EDEM1: variants seen among roughly 807,000 people sequenced by gnomAD.
EDEM1 encodes ER degradation enhancing alpha-mannosidase like protein 1, also known as ER degradation-enhancing alpha-mannosidase-like protein 1.
A neutral mutation model predicts 74.4 loss-of-function variants in EDEM1; 67 were observed. The ratio of observed to expected loss-of-function variants is 0.90; its 90% CI spans 0.74 to 1.10. The LOEUF (loss-of-function observed/expected upper bound fraction) is 1.10. Ranked by LOEUF, EDEM1 falls within the 50% of genes least tolerant of loss-of-function variation. EDEM1 has a pLI of 0.00. For synonymous variants in EDEM1, 382 were observed against 335.9 expected (o/e 1.14, Z -1.50); for missense variants, 926 against 851.6 (o/e 1.09, Z -1.09).
At chr3:5,215,468 C>T (rs1373579911) in intron 11 of EDEM1, among the ~76,000 whole-genome samples, 2 of 152,214 alleles carry the variant, frequency 1.3e-5, no homozygotes, top group Non-Finnish European at 2.9e-5. Flanking sequence ...GGCCACGAAG[C>T]AGTTGCTGCG....
chr3:5,199,744 G>A (rs764682036), intron 3 of EDEM1, 49 bp downstream of exon 3: 1 of 1,516,786 alleles, frequency 6.6e-7, no homozygotes, highest in Admixed American at 1.9e-5. Context: ...CTTTTTATGT[G>A]TTTAAAGAAA....
Position 5,219,813 on chromosome 3 carries a change from G to A in EDEM1, c.*3895G>A, listed in dbSNP as rs990712259. The A allele has an allele frequency of 6.6e-6, 1 of 152,584 alleles. No homozygotes were observed. The highest frequency in any genetic ancestry group is 2.4e-5 in the African/African-American group (1 of 41,426). 9.5% of individuals were successfully genotyped at this position (152,584 alleles called of 1,614,324 possible). A position where few individuals can be genotyped will look rare whatever the true frequency, so the allele number is the denominator to read the frequency against. The stretch of plus-strand genomic sequence containing the variant: ...GTAGATGATATTTTATGTTTAATCT[G>A]TAAATAAGAAATGTATTTAAATTAA... On this transcript the variant is annotated 3_prime_UTR_variant, in exon 12 of 12. Coordinates refer to ENST00000256497, the MANE Select transcript of EDEM1 (RefSeq NM_014674.3).
chr3:5,192,907 G>GT (rs2054918278), intron 1 of EDEM1, among the ~76,000 whole-genome samples: 1 of 151,528 alleles, frequency 6.6e-6, no homozygotes, highest in African/African-American at 2.4e-5. Context: ...AAACCCCACA[G>GT]TTACTGCAAG....
chr3:5,215,750 C>G (rs1296658621), intron 11 of EDEM1, 79 bp from the exon 12 acceptor site: 5 of 1,345,742 alleles, frequency 3.7e-6, no homozygotes, highest in Non-Finnish European at 5.3e-6. Flanking sequence ...CTGAGAAACC[C>G]TGGATTAAGT....
Position 5,203,026 on chromosome 3 carries a change from G to A in EDEM1, c.919G>A (p.Gly307Ser), listed in dbSNP as rs868398764. The change falls in exon 5 of 12, where the codon GGT (glycine) becomes AGT (serine). Residue 307 changes from glycine to serine, a missense_variant. Gly to Ser is a moderately conservative substitution (Grantham distance 56, BLOSUM62 0). Transcript: ENST00000256497. The stretch of plus-strand genomic sequence containing the variant: ...TAATGAGACATGCACAGCGGGAGCC[G>A]GTTCCCTCCTGGTGGAATTTGGGAT... Reference protein sequence around the residue: ...TNNETCTAGAGSLLVEFGILS... With the variant: ...TNNETCTAGASSLLVEFGILS... 7 of 1,613,708 alleles carry A rather than the reference G, an allele frequency of 4.3e-6. No homozygotes were observed. Among genetic ancestry groups the A allele is most frequent in the Non-Finnish European group, 5.9e-6 (7 of 1,179,864 alleles).
chr3:5,195,276 C>G lies in EDEM1; in HGVS notation c.577C>G (p.Leu193Val). 6.4e-7 allele frequency: 1 copy of G among 1,551,830 alleles called. No homozygotes were observed. Among genetic ancestry groups the G allele is most frequent in the Non-Finnish European group, 8.7e-7 (1 of 1,145,710 alleles). Reference sequence around the variant, plus strand: ...GACTCTTGTTGATGCATTGGATACACTTGCAGTAAGTGTTCACCTTTTTTT... The same window carrying G: ...GACTCTTGTTGATGCATTGGATACAGTTGCAGTAAGTGTTCACCTTTTTTT... ...SLTLVDALDTLAIMGNSSEFQ... is the reference protein window; with the variant it reads ...SLTLVDALDTVAIMGNSSEFQ... The change falls in exon 2 of 12, where the codon CTT becomes GTT. Residue 193 changes from leucine to valine, a missense_variant. Transcript: ENST00000256497.
Position 5,215,983 on chromosome 3 carries a change from T to C in EDEM1, c.*65T>C. ...CGACCAAACCCAGACCATGCCAAAG[T>C]CCAGTCTGAAATGAAAGGGGACAGA... On this transcript the variant is annotated 3_prime_UTR_variant, in exon 12 of 12. Coordinates refer to ENST00000256497, the MANE Select transcript of EDEM1 (RefSeq NM_014674.3). 4 of 1,396,304 alleles carry C rather than the reference T, an allele frequency of 2.9e-6. No individual in the cohort carries two copies. The highest frequency in any genetic ancestry group is 3.0e-6 in the Non-Finnish European group (3 of 1,000,944). The allele number at this position is 1,396,304 out of a possible 1,614,324, so 86.5% of individuals were successfully genotyped here.
chr3:5,200,305 T>C (rs1280502176), intron 3 of EDEM1, among the ~76,000 whole-genome samples: 1 of 152,218 alleles, frequency 6.6e-6, no homozygotes, highest in Non-Finnish European at 1.5e-5. Flanking sequence ...CTTTATAGTC[T>C]GATTTCATTT....
rs531873420 is a variant in EDEM1, at chr3:5,193,309, C to T, written c.510-1900C>T. 1.1e-4 allele frequency among the ~76,000 whole-genome samples: 17 copies of T among 152,268 alleles called. No homozygotes were observed. In the South Asian group the frequency reaches 3.1e-3, roughly 28 times the overall value. ...ACATTCTTGAGTTGGCAGAATTGGG[C>T]GTAAGGATCTCCCTGTCTCCTTTGA... On this transcript the variant is annotated intron_variant, in intron 1 of 11. Transcript: ENST00000256497.
intron 1 of EDEM1, among the ~76,000 whole-genome samples, chr3:5,191,277 G>T (rs186912981): frequency 2.2e-3 from 337 of 152,234 alleles, no homozygotes; most frequent in African/African-American, 7.9e-3. Context: ...AGGCTGGAGT[G>T]CAGTGGCATA....
Position 5,213,384 on chromosome 3 carries a change from C to T in EDEM1, c.1746C>T (p.His582=), listed in dbSNP as rs1293224604. 6.2e-7 allele frequency: 1 copy of T among 1,613,984 alleles called. No homozygotes were observed. The highest frequency in any genetic ancestry group is 1.3e-5 in the African/African-American group (1 of 74,912). ...GTRYMFTTEG[H]IVSVDEHLRE... Reference sequence around the variant, plus strand: ...GATACATGTTCACAACAGAGGGACACATTGTATCTGTGGATGAGCATCTTC... The same window carrying T: ...GATACATGTTCACAACAGAGGGACATATTGTATCTGTGGATGAGCATCTTC... Residue 582 remains histidine, a synonymous_variant, in exon 11 of 12, where the codon CAC becomes CAT. Coordinates refer to ENST00000256497, the MANE Select transcript of EDEM1 (RefSeq NM_014674.3).
intron 4 of EDEM1, among the ~76,000 whole-genome samples, chr3:5,202,447 C>T (rs996265387): frequency 1.3e-5 from 2 of 152,180 alleles, no homozygotes; most frequent in South Asian, 4.1e-4. Context: ...TTGCCAAGCC[C>T]AGAACTCCTC....
At chr3:5,191,771 T>TA (rs1263726165) in intron 1 of EDEM1, among the ~76,000 whole-genome samples, 2 of 152,176 alleles carry the variant, frequency 1.3e-5, no homozygotes, top group African/African-American at 2.4e-5. Context: ...CTGAACACTC[T>TA]AAAAAGAGCA....
intron 2 of EDEM1, among the ~76,000 whole-genome samples, chr3:5,198,422 C>T (rs965093655): frequency 6.6e-6 from 1 of 152,050 alleles, no homozygotes; most frequent in Non-Finnish European, 1.5e-5. Flanking sequence ...GTCACTTATG[C>T]CTTTGTCTGG....
At position 5,208,131 on chromosome 3, in the gene EDEM1, TG is replaced by T. The variant is rs2055121089; in HGVS notation, c.1378del (p.Ala460ProfsTer31). 1 of 1,607,610 alleles carries T rather than the reference TG, an allele frequency of 6.2e-7. No homozygotes were observed. The highest frequency in any genetic ancestry group is 1.3e-5 in the African/African-American group (1 of 74,244). On this transcript the variant is annotated frameshift_variant, in exon 8 of 12. Coordinates refer to ENST00000256497, the MANE Select transcript of EDEM1 (RefSeq NM_014674.3). LOFTEE classifies it high-confidence loss of function. The part of the protein sequence containing the change: ...GDVEDAICLH[A>X]FYYAIWKRYG... ...ATGTGGAAGATGCCATCTGCCTTCATGCCTTCTACTATGCCATATGGAAACG... is the reference window on the plus strand; with the variant it reads ...ATGTGGAAGATGCCATCTGCCTTCATCCTTCTACTATGCCATATGGAAACG...
chr3:5,199,023 A>G (rs1048217716), intron 2 of EDEM1, among the ~76,000 whole-genome samples: 4 of 152,178 alleles, frequency 2.6e-5, no homozygotes, highest in Admixed American at 1.3e-4. Context: ...GATTATTCAT[A>G]TGTTTTGTTT....
chr3:5,204,329 T>C (rs2055069594), intron 5 of EDEM1, among the ~76,000 whole-genome samples: 1 of 152,102 alleles, frequency 6.6e-6, no homozygotes, highest in Non-Finnish European at 1.5e-5. Flanking sequence ...ATGACCACTT[T>C]TGTTGTTGTT....
intron 5 of EDEM1, 97 bp downstream of exon 5, chr3:5,203,246 A>G: frequency 8.0e-7 from 1 of 1,256,346 alleles, no homozygotes; most frequent in Non-Finnish European, 1.1e-6. Context: ...TCTTCAACTC[A>G]ATTGACAACT....
intron 11 of EDEM1, among the ~76,000 whole-genome samples, chr3:5,215,302 G>C (rs531269586): frequency 5.3e-5 from 8 of 150,898 alleles, no homozygotes; most frequent in South Asian, 4.2e-4. Flanking sequence ...GGGGGTGGGG[G>C]GGTTTTAATT....
Sources: allele counts gnomAD v4.1 joint callset (sites outside exome capture counted in the v4.1 genomes callset), GRCh38; gene constraint gnomAD v4.1.1; transcripts MANE v1.5; gene names NCBI Gene and HGNC (gene_info 2026-07-23, HGNC 2026-07-21).